The following ANO3 variants were observed in gnomAD, a reference collection of about 807,000 sequenced individuals.
ANO3 encodes the protein anoctamin 3, also known as anoctamin-3.
A neutral mutation model predicts 144.8 loss-of-function variants in ANO3; 99 were observed. The observed-to-expected ratio is 0.68, with a 90% confidence interval of 0.58 to 0.81. The LOEUF (loss-of-function observed/expected upper bound fraction) is 0.81. Among genes scored for constraint, ANO3 ranks in the 30% least tolerant of loss-of-function variants. The pLI, the probability that ANO3 is intolerant of heterozygous loss-of-function variation, is 0.00. For synonymous variants in ANO3, 414 were observed against 392.6 expected (o/e 1.05, Z -0.64); for missense variants, 905 against 1,202.2 (o/e 0.75, Z 3.66).
chr11:26,543,475 ATATTT>A (rs1292370073), intron 11 of ANO3, among the ~76,000 whole-genome samples: 1 of 150,556 alleles, frequency 6.6e-6, no homozygotes, highest in Non-Finnish European at 1.5e-5. Flanking sequence ...TTTTTTAATT[ATATTT>A]TAAGTTCTAG....
Position 26,273,071 on chromosome 11 carries a change from G to A in ANO3, c.155-36574G>A. On this transcript the variant is annotated intron_variant, in intron 1 of 27. Coordinates refer to the ANO3 transcript ENST00000672621. ...TATAAATATAAAGCTGCTAACTCCAGTGTCTGAAGGGAAAATAATAAGCAC... is the reference window on the plus strand; with the variant it reads ...TATAAATATAAAGCTGCTAACTCCAATGTCTGAAGGGAAAATAATAAGCAC... 1.3e-5 allele frequency among the ~76,000 whole-genome samples: 2 copies of A among 152,070 alleles called. 1 individual carries two copies.
chr11:26,263,026 C>T (rs1301408603), intron 1 of ANO3, among the ~76,000 whole-genome samples: 2 of 152,152 alleles, frequency 1.3e-5, no homozygotes, highest in Non-Finnish European at 2.9e-5. Context: ...TTCTTATTTT[C>T]ATCTGCAATG....
At chr11:26,436,846 G>A (rs1590357416) in intron 1 of ANO3, among the ~76,000 whole-genome samples, 1 of 152,162 alleles carries the variant, frequency 6.6e-6, no homozygotes, top group Non-Finnish European at 1.5e-5. Flanking sequence ...GGAAAACACT[G>A]GCAGGGGTGG....
chr11:26,253,562 T>TA (rs11452342), intron 1 of ANO3, among the ~76,000 whole-genome samples: 3,019 of 133,850 alleles, frequency 0.023, 31 homozygotes, highest in East Asian at 0.056. Flanking sequence ...AAAATAAACT[T>TA]AAAAAAAAAA....
At chr11:26,515,612 A>C (rs925467026) in intron 5 of ANO3, among the ~76,000 whole-genome samples, 1 of 152,028 alleles carries the variant, frequency 6.6e-6, no homozygotes, top group Non-Finnish European at 1.5e-5. Flanking sequence ...TAGTATATGC[A>C]TATGAAAATG....
At chr11:26,278,488 G>T (rs1564945675) in intron 1 of ANO3, among the ~76,000 whole-genome samples, 1 of 152,086 alleles carries the variant, frequency 6.6e-6, no homozygotes, top group Non-Finnish European at 1.5e-5. Context: ...TTTATGGAGT[G>T]CAGAGTCACA....
chr11:26,326,534 T>G (rs960593657), intron 1 of ANO3, among the ~76,000 whole-genome samples: 4 of 152,140 alleles, frequency 2.6e-5, no homozygotes, highest in South Asian at 4.1e-4. Flanking sequence ...TCATGCACAC[T>G]CAACGTTTGA....
intron 1 of ANO3, among the ~76,000 whole-genome samples, chr11:26,353,142 A>T (rs2133915069): frequency 6.6e-6 from 1 of 152,308 alleles, no homozygotes; most frequent in Admixed American, 6.5e-5. Context: ...AATATTCATG[A>T]AGACTCCTGG....
At chr11:26,422,568 A>G (rs1457083867) in intron 1 of ANO3, among the ~76,000 whole-genome samples, 1 of 152,050 alleles carries the variant, frequency 6.6e-6, no homozygotes, top group African/African-American at 2.4e-5. Context: ...TTCTGCATGT[A>G]AGAAAGGACA....
chr11:26,351,240 AT>A (rs111916633), intron 1 of ANO3, among the ~76,000 whole-genome samples: 3,969 of 151,932 alleles, frequency 0.026, 161 homozygotes, highest in African/African-American at 0.09. Context: ...GGTACATTCT[AT>A]TTTTTTCTTC....
chr11:26,399,908 G>A (rs1857105737), intron 1 of ANO3, among the ~76,000 whole-genome samples: 1 of 151,810 alleles, frequency 6.6e-6, no homozygotes, highest in South Asian at 2.1e-4. Context: ...TTGGCTTTTG[G>A]ACTTAAACTA....
chr11:26,516,913 C>T lies in ANO3; in HGVS notation c.678C>T (p.Ile226=). The change falls in exon 6 of 27, where the codon ATC becomes ATT. Residue 226 remains isoleucine (I), a synonymous_variant. Transcript: ENST00000256737. ...TLCKYAERLN[I]RMPFRKKCYY... The stretch of plus-strand genomic sequence containing the variant: ...GCAAGTATGCAGAGAGGCTGAATAT[C>T]AGGATGCCCTTCAGGTACTTTCAAA... 4 of 1,605,320 alleles carry T rather than the reference C, an allele frequency of 2.5e-6. No homozygotes were observed. Among genetic ancestry groups the T allele is most frequent in the Non-Finnish European group, 3.4e-6 (4 of 1,173,324 alleles).
chr11:26,449,181 G>A (rs937373495), intron 3 of ANO3, among the ~76,000 whole-genome samples: 8 of 151,812 alleles, frequency 5.3e-5, no homozygotes, highest in African/African-American at 1.9e-4. Flanking sequence ...CAATAAATAT[G>A]TGCTTATCCT....
intron 1 of ANO3, among the ~76,000 whole-genome samples, chr11:26,323,909 C>T (rs897976698): frequency 6.6e-6 from 1 of 152,170 alleles, no homozygotes; most frequent in Non-Finnish European, 1.5e-5. Flanking sequence ...CTCTGTGATA[C>T]TCTTGAAAAC....
At chr11:26,339,239 C>G (rs756857026) in intron 1 of ANO3, among the ~76,000 whole-genome samples, 4 of 151,802 alleles carry the variant, frequency 2.6e-5, no homozygotes, top group Non-Finnish European at 5.9e-5. Flanking sequence ...ACTGAAACCT[C>G]TGCCTCCCGA....
rs1218719459 is a variant in ANO3 at position 26,661,899 on chromosome 11, A to G, written c.*1455A>G. 2 of 152,082 alleles carry G rather than the reference A, an allele frequency of 1.3e-5. No individual in the cohort carries two copies. The highest frequency in any genetic ancestry group is 2.4e-5 in the African/African-American group (1 of 41,440). 9.4% of individuals were successfully genotyped at this position (152,082 alleles called of 1,614,324 possible). On this transcript the variant is annotated 3_prime_UTR_variant, in exon 27 of 27. Coordinates refer to ENST00000256737, the MANE Select transcript of ANO3 (RefSeq NM_031418.4). ...GGTAGAAATTAAGACGTTTCTTTGC[A>G]AAACAAGGAAATCACACATATGCAC...
chr11:26,577,531 T>A (rs889368586), intron 14 of ANO3, among the ~76,000 whole-genome samples: 3 of 136,050 alleles, frequency 2.2e-5, no homozygotes, highest in Non-Finnish European at 4.6e-5. Context: ...GCCATTACAC[T>A]CCAGCCTGGG....
At chr11:26,359,301 A>G (rs1350070568) in intron 1 of ANO3, among the ~76,000 whole-genome samples, 1 of 152,144 alleles carries the variant, frequency 6.6e-6, no homozygotes, top group African/African-American at 2.4e-5. Flanking sequence ...GTTATTTCTC[A>G]CTATGGAGAC....
intron 1 of ANO3, among the ~76,000 whole-genome samples, chr11:26,437,665 T>A (rs1858343183): frequency 6.6e-6 from 1 of 152,082 alleles, no homozygotes; most frequent in Non-Finnish European, 1.5e-5. Context: ...AGCCCCTCCA[T>A]AGGTAGTTTT....
Sources: allele counts gnomAD v4.1 joint callset (sites outside exome capture counted in the v4.1 genomes callset), GRCh38; gene constraint gnomAD v4.1.1; transcripts MANE v1.5; gene names NCBI Gene and HGNC (gene_info 2026-07-23, HGNC 2026-07-21).